ITGA2: variants seen among roughly 807,000 people sequenced by gnomAD.
The protein encoded by ITGA2 is integrin subunit alpha 2.
In ITGA2, 101 loss-of-function variants were observed where a neutral mutation model predicts 146.3. The observed-to-expected ratio is 0.69, with a 90% CI of 0.59 to 0.81. The LOEUF (loss-of-function observed/expected upper bound fraction) is 0.81. ITGA2 is among the 40% of genes least tolerant of loss of function. The pLI is 0.00. For synonymous variants in ITGA2, 477 were observed against 487.1 expected, an observed-to-expected ratio of 0.98 and a Z score of 0.27; for missense variants, 1,281 against 1,402.7, an observed-to-expected ratio of 0.91 and a Z score of 1.39.
chr5:53,018,717 A>G (rs149090052), intron 1 of ITGA2, among the ~76,000 whole-genome samples: 4 of 152,298 alleles, frequency 2.6e-5, no homozygotes, highest in Non-Finnish European at 5.9e-5. Flanking sequence ...TAGAAATTAC[A>G]TTTATTCTTG....
chr5:53,084,724 T>C (rs1001950648), intron 27 of ITGA2, among the ~76,000 whole-genome samples: 10 of 152,226 alleles, frequency 6.6e-5, no homozygotes, highest in Admixed American at 3.3e-4. Context: ...TTTTGCTCCA[T>C]TGGTTCTTGG....
chr5:53,086,905 A>C (rs1382378461), intron 27 of ITGA2, 47 bp from the exon 28 acceptor site: 1 of 1,426,348 alleles, frequency 7.0e-7, no homozygotes, highest in African/African-American at 1.4e-5. Context: ...GCTTCTCTGC[A>C]TTTGCTGCTG....
chr5:52,999,382 A>C (rs1444477981), intron 1 of ITGA2, among the ~76,000 whole-genome samples: 1 of 152,246 alleles, frequency 6.6e-6, no homozygotes, highest in Non-Finnish European at 1.5e-5. Flanking sequence ...AGGTAAATGT[A>C]CAGCTTTTTA....
chr5:53,010,213 T>TA (rs1206622011), intron 1 of ITGA2, among the ~76,000 whole-genome samples: 3 of 152,190 alleles, frequency 2.0e-5, no homozygotes, highest in East Asian at 3.9e-4. Context: ...TGCAAATTTT[T>TA]AAAAAAATGT....
At chr5:53,013,032 C>T (rs1279612639) in intron 1 of ITGA2, among the ~76,000 whole-genome samples, 1 of 152,006 alleles carries the variant, frequency 6.6e-6, no homozygotes, top group Admixed American at 6.6e-5. Flanking sequence ...TTCGAATATT[C>T]TCTCCCACTC....
At chr5:53,074,590 C>G (rs1745572943) in intron 21 of ITGA2, 113 bp downstream of exon 21, 1 of 821,342 alleles carries the variant, frequency 1.2e-6, no homozygotes, top group Non-Finnish European at 2.1e-6. Flanking sequence ...AAATAACTAG[C>G]TGCATACTTA....
At position 53,081,589 on chromosome 5, in the gene ITGA2, T is replaced by C. The variant is rs1442001275; in HGVS notation, c.3040-3T>C. On this transcript the variant is annotated splice_region_variant and splice_polypyrimidine_tract_variant and intron_variant, in intron 25 of 29. Transcript: ENST00000296585. ...AGTCTGATCGGGTGTTCTTCTTTTA[T>C]AGGCTGGTGACATCAGTTGTAATGC... 4 of 1,605,344 alleles carry C rather than the reference T, an allele frequency of 2.5e-6. No homozygotes were observed. The Admixed American group carries it at 6.7e-5, about 27-fold the overall frequency.
intron 2 of ITGA2, among the ~76,000 whole-genome samples, chr5:53,031,049 A>G (rs562358122): frequency 2.0e-5 from 3 of 152,362 alleles, no homozygotes; most frequent in African/African-American, 7.2e-5. Context: ...CTCAGGCTCA[A>G]GGAAAATTAT....
intron 1 of ITGA2, among the ~76,000 whole-genome samples, chr5:53,024,763 G>A (rs1273468566): frequency 5.3e-5 from 8 of 152,206 alleles, no homozygotes; most frequent in Admixed American, 2.6e-4. Context: ...CAGAAGGAAA[G>A]TGAGTGTGGC....
At chr5:53,067,067 C>T (rs767393287) in intron 15 of ITGA2, 51 bp from the exon 16 acceptor site, 28 of 1,573,810 alleles carry the variant, frequency 1.8e-5, no homozygotes, top group South Asian at 6.7e-5. Context: ...GGATATAATA[C>T]GTGTGCTCAG....
At chr5:53,026,081 G>A (rs1742931752) in intron 1 of ITGA2, among the ~76,000 whole-genome samples, 1 of 152,112 alleles carries the variant, frequency 6.6e-6, no homozygotes, top group Admixed American at 6.5e-5. Context: ...AAACACTTTT[G>A]ACAGTTCCCA....
At chr5:53,049,550 T>A (rs1349379723) in intron 6 of ITGA2, among the ~76,000 whole-genome samples, 1 of 152,212 alleles carries the variant, frequency 6.6e-6, no homozygotes, top group Non-Finnish European at 1.5e-5. Context: ...CAGTTTAGCT[T>A]GCCCTTTTGC....
rs1175552454 is a variant in ITGA2, at chr5:53,029,581, T to C, written c.185+2713T>C. ...ACCTTTCAGAGCAACCCTATCTATA[T>C]AGCACTCGACTGCTCTCTGAGTCAC... On this transcript the variant is annotated intron_variant, in intron 2 of 29. Coordinates refer to ENST00000296585, the MANE Select transcript of ITGA2 (RefSeq NM_002203.4). Among the ~76,000 whole-genome samples, 4 of 152,204 alleles carry C rather than the reference T, an allele frequency of 2.6e-5. No individual in the cohort carries two copies. In the South Asian group the frequency reaches 6.2e-4, roughly 24 times the overall value.
chr5:53,033,219 A>G (rs567906321), intron 2 of ITGA2, among the ~76,000 whole-genome samples: 2 of 152,228 alleles, frequency 1.3e-5, no homozygotes, highest in East Asian at 3.9e-4. Flanking sequence ...CAGTGAGCTG[A>G]GATCATACCA....
intron 1 of ITGA2, among the ~76,000 whole-genome samples, chr5:53,017,043 G>C (rs1013621097): frequency 6.6e-6 from 1 of 152,114 alleles, no homozygotes; most frequent in Admixed American, 6.5e-5. Context: ...CCTGAACCTT[G>C]ATGATCTTCA....
At chr5:53,018,357 G>A (rs1311055154) in intron 1 of ITGA2, among the ~76,000 whole-genome samples, 1 of 152,156 alleles carries the variant, frequency 6.6e-6, no homozygotes, top group Non-Finnish European at 1.5e-5. Context: ...TGGGGGTCGT[G>A]AGTTCCGCTG....
chr5:53,047,160 TG>T (rs1561120068), intron 4 of ITGA2, among the ~76,000 whole-genome samples: 1 of 152,202 alleles, frequency 6.6e-6, no homozygotes. Context: ...ACAGTTAAAC[TG>T]GGTCAAATAA....
intron 1 of ITGA2, among the ~76,000 whole-genome samples, chr5:53,008,983 CCA>C (rs1250736838): frequency 6.6e-6 from 1 of 152,092 alleles, no homozygotes; most frequent in African/African-American, 2.4e-5. Context: ...TCCCCTTTCC[CCA>C]CTCTAGTCTC....
chr5:53,060,909 G>C lies in ITGA2; in HGVS notation c.1321G>C (p.Val441Leu), dbSNP rs760719036. Residue 441 changes from valine (V) to leucine (L), a missense_variant, in exon 12 of 30, where the codon GTG becomes CTG. By Grantham distance (32) the Val-to-Leu change is conservative. Transcript: ENST00000296585. ...RNHSSYLGYS[V>L]AAISTGESTH... is the part of the protein sequence containing the mutation. ...TGCTCCTTCCCTTTTAGGTTACTCT[G>C]TGGCTGCAATTTCTACTGGAGAAAG... 9 of 1,612,212 alleles carry C rather than the reference G, an allele frequency of 5.6e-6. No individual in the cohort carries two copies. Among genetic ancestry groups the C allele is most frequent in the Non-Finnish European group, 7.6e-6 (9 of 1,178,844 alleles).
Sources: allele counts gnomAD v4.1 joint callset (sites outside exome capture counted in the v4.1 genomes callset), GRCh38; gene constraint gnomAD v4.1.1; transcripts MANE v1.5; gene names NCBI Gene and HGNC (gene_info 2026-07-23, HGNC 2026-07-21).